UGT2B10: variants seen among roughly 807,000 people sequenced by gnomAD.
UGT2B10 encodes UDP glucuronosyltransferase family 2 member B10.
A neutral mutation model predicts 43.7 loss-of-function variants in UGT2B10; 51 were observed. The ratio of observed to expected loss-of-function variants is 1.17; its 90% CI spans 0.93 to 1.47. The LOEUF is 1.47. UGT2B10 is among the 40% of genes most tolerant of loss of function. The pLI, the probability that UGT2B10 is intolerant of heterozygous loss-of-function variation, is 0.00. For missense variants in UGT2B10, 696 were observed against 617.7 expected (o/e 1.13, Z -1.34); for synonymous variants, 225 against 209.0 (o/e 1.08, Z -0.66).
Position 68,830,681 on chromosome 4 carries a change from T to A in UGT2B10, c.1389T>A (p.Ile463=), listed in dbSNP as rs1481844635. The A allele has an allele frequency of 1.2e-6, 2 of 1,613,408 alleles. No individual in the cohort carries two copies. The highest frequency in any genetic ancestry group is 2.2e-5 in the South Asian group (2 of 91,072). Residue 463 remains isoleucine, a synonymous_variant, in exon 6 of 6, where the codon ATT becomes ATA. Transcript: ENST00000265403. ...VKPLDRAVFW[I]EFVMRHKGAK... ...CCCTGGATCGAGCAGTCTTCTGGATTGAATTTGTCATGCGCCACAAAGGAG... is the reference window on the plus strand; with the variant it reads ...CCCTGGATCGAGCAGTCTTCTGGATAGAATTTGTCATGCGCCACAAAGGAG...
intron 2 of UGT2B10, among the ~76,000 whole-genome samples, chr4:68,821,733 G>C (rs1226498942): frequency 6.6e-6 from 1 of 152,074 alleles, no homozygotes; most frequent in Non-Finnish European, 1.5e-5. Context: ...AAGCATTGTA[G>C]AGTAACGTAA....
rs1738037610 is a variant in UGT2B10 at position 68,830,612 on chromosome 4, T to A, written c.1320T>A (p.Asn440Lys). 1 of 1,611,968 alleles carries A rather than the reference T, an allele frequency of 6.2e-7. No homozygotes were observed. The highest frequency in any genetic ancestry group is 2.2e-5 in the East Asian group (1 of 44,774). ...TTTTATCCTTCAGATATAAAGAGAA[T>A]ATTATGAAATTATCAAGAATTCAAC... ...TVINDPSYKENIMKLSRIQHD... is the reference protein window; with the variant it reads ...TVINDPSYKEKIMKLSRIQHD... The change falls in exon 6 of 6, where the codon AAT becomes AAA. Residue 440 changes from asparagine (N) to lysine (K), a missense_variant. By Grantham distance (94) the Asn-to-Lys change is moderately conservative. Coordinates refer to ENST00000265403, the MANE Select transcript of UGT2B10 (RefSeq NM_001075.6).
intron 2 of UGT2B10, among the ~76,000 whole-genome samples, chr4:68,821,692 G>A (rs1737505854): frequency 6.6e-6 from 1 of 151,974 alleles, no homozygotes; most frequent in Admixed American, 6.6e-5. Flanking sequence ...AAAACTACTG[G>A]AAAACTCTGA....
intron 3 of UGT2B10, among the ~76,000 whole-genome samples, chr4:68,824,931 T>C (rs928253636): frequency 1.3e-5 from 2 of 152,156 alleles, no homozygotes; most frequent in Non-Finnish European, 2.9e-5. Context: ...TGGTTGGTAA[T>C]ACTCTGAATT....
At position 68,826,496 on chromosome 4, in the gene UGT2B10, A is replaced by G. The variant is rs942907372; in HGVS notation, c.1086A>G (p.Leu362=). The G allele has an allele frequency of 1.2e-5, 20 of 1,611,524 alleles. No individual in the cohort carries two copies. Among genetic ancestry groups the G allele is most frequent in the African/African-American group, 4.0e-5 (3 of 74,782 alleles). ...AGTGGATACCCCAGAATGACCTTCT[A>G]GGTAACACTCTGGTGAACAATACTG... ...LYKWIPQNDL[L]GHPKTRAFIT... The change falls in exon 4 of 6, where the codon CTA becomes CTG. Residue 362 remains leucine, a splice_region_variant and synonymous_variant. Transcript: ENST00000265403.
chr4:68,819,161 A>G (rs1457001126), intron 2 of UGT2B10, among the ~76,000 whole-genome samples: 1 of 151,950 alleles, frequency 6.6e-6, no homozygotes, highest in East Asian at 1.9e-4. Flanking sequence ...AAACACTTAA[A>G]ATGTCTCTGG....
At chr4:68,824,669 T>G (rs1182308187) in intron 3 of UGT2B10, among the ~76,000 whole-genome samples, 2 of 152,174 alleles carry the variant, frequency 1.3e-5, no homozygotes, top group African/African-American at 4.8e-5. Flanking sequence ...AATTAAACAC[T>G]GTAAATTATT....
At chr4:68,820,319 T>C (rs180675286) in intron 2 of UGT2B10, among the ~76,000 whole-genome samples, 224 of 152,218 alleles carry the variant, frequency 1.5e-3, no homozygotes, top group African/African-American at 5.3e-3. Context: ...TTCAATTATA[T>C]ATTAGATTCT....
In UGT2B10 at chr4:68,830,580, T is replaced by C; in HGVS notation, c.1308-20T>C. 6.3e-7 allele frequency: 1 copy of C among 1,595,156 alleles called. No homozygotes were observed. Among genetic ancestry groups the C allele is most frequent in the South Asian group, 1.1e-5 (1 of 87,866 alleles). On this transcript the variant is annotated intron_variant, in intron 5 of 5. Coordinates refer to ENST00000265403, the MANE Select transcript of UGT2B10 (RefSeq NM_001075.6). Reference sequence around the variant, plus strand: ...AATTAACTTACTTTCAGTGTCGGTATCTTTATTTTTATCCTTCAGATATAA... The same window carrying C: ...AATTAACTTACTTTCAGTGTCGGTACCTTTATTTTTATCCTTCAGATATAA...
chr4:68,820,310 T>C (rs1016189017), intron 2 of UGT2B10, among the ~76,000 whole-genome samples: 1 of 152,070 alleles, frequency 6.6e-6, no homozygotes, highest in Non-Finnish European at 1.5e-5. Context: ...TGCTTTCTTT[T>C]CAATTATATA....
intron 1 of UGT2B10, among the ~76,000 whole-genome samples, chr4:68,817,659 T>A (rs948971215): frequency 2.0e-5 from 3 of 151,708 alleles, no homozygotes; most frequent in Non-Finnish European, 4.4e-5. Context: ...TACTGTAGAA[T>A]TAATTGATTA....
chr4:68,821,919 C>T (rs565956041), intron 2 of UGT2B10, among the ~76,000 whole-genome samples: 10 of 151,302 alleles, frequency 6.6e-5, no homozygotes, highest in Non-Finnish European at 8.8e-5. Flanking sequence ...GCCACTTTTC[C>T]AAGGACTTAT....
Position 68,818,050 on chromosome 4 carries a change from A to G in UGT2B10, c.740A>G (p.Glu247Gly), listed in dbSNP as rs1229928683. The stretch of plus-strand genomic sequence containing the variant: ...TCAGGAAGACCCACTACATTATCTG[A>G]GACAATGAGGAAAGCTGACATATGG... ...EVLGRPTTLS[E>G]TMRKADIWLM... Residue 247 changes from glutamate (E) to glycine (G), a missense_variant, in exon 2 of 6, where the codon GAG (glutamate) becomes GGG (glycine). Glu to Gly is a moderately conservative substitution (Grantham distance 98). Coordinates refer to ENST00000265403, the MANE Select transcript of UGT2B10 (RefSeq NM_001075.6). 1.2e-6 allele frequency: 2 copies of G among 1,610,926 alleles called. No homozygotes were observed. The highest frequency in any genetic ancestry group is 1.1e-5 in the South Asian group (1 of 90,534).
At chr4:68,819,980 T>G (rs1237285743) in intron 2 of UGT2B10, among the ~76,000 whole-genome samples, 1 of 152,058 alleles carries the variant, frequency 6.6e-6, no homozygotes, top group Non-Finnish European at 1.5e-5. Context: ...CTATGTTTAA[T>G]GCAAGTTGTA....
chr4:68,827,991 A>T (rs1737886775), intron 5 of UGT2B10, among the ~76,000 whole-genome samples: 1 of 151,966 alleles, frequency 6.6e-6, no homozygotes, highest in Non-Finnish European at 1.5e-5. Flanking sequence ...TTTAATTTTG[A>T]TAGCATAAAA....
intron 5 of UGT2B10, among the ~76,000 whole-genome samples, chr4:68,830,056 A>C (rs1738010584): frequency 6.6e-6 from 1 of 152,026 alleles, no homozygotes; most frequent in South Asian, 2.1e-4. Flanking sequence ...CTTTTTAGGA[A>C]CTTAGAGATG....
In UGT2B10 at chr4:68,822,334, A is replaced by T. The variant is rs782005756; in HGVS notation, c.931A>T (p.Met311Leu). The T allele has an allele frequency of 9.9e-6, 16 of 1,613,594 alleles. No individual in the cohort carries two copies. The highest frequency in any genetic ancestry group is 1.7e-5 in the Admixed American group (1 of 59,958). The change falls in exon 3 of 6, where the codon ATG (methionine) becomes TTG (leucine). Residue 311 changes from methionine (M) to leucine (L), a missense_variant. Transcript: ENST00000265403. ...TGTTGTGGTGTTTTCTCTGGGGTCA[A>T]TGGTCAGTAACATGACAGAAGAAAG... The part of the protein sequence containing the change: ...NGVVVFSLGS[M>L]VSNMTEERAN...
intron 3 of UGT2B10, among the ~76,000 whole-genome samples, chr4:68,823,497 A>G (rs1737618244): frequency 6.6e-6 from 1 of 152,046 alleles, no homozygotes; most frequent in Non-Finnish European, 1.5e-5. Flanking sequence ...ACAGGGCCAC[A>G]CTCTGTCTCA....
intron 2 of UGT2B10, among the ~76,000 whole-genome samples, chr4:68,819,052 A>C (rs1737365911): frequency 6.6e-6 from 1 of 151,916 alleles, no homozygotes; most frequent in African/African-American, 2.4e-5. Context: ...GATGATGAAA[A>C]AGTGGACTAC....
Sources: gnomAD v4.1 joint callset for allele counts (sites outside exome capture counted in the v4.1 genomes callset) on GRCh38, gnomAD v4.1.1 for gene constraint, MANE v1.5 for transcripts, NCBI Gene and HGNC (gene_info 2026-07-23, HGNC 2026-07-21) for gene names.